The following NUDT6 variants were observed in gnomAD, a reference collection of about 807,000 sequenced individuals.
NUDT6 encodes the protein FAD diphosphatase NUDT6.
NUDT6 carries 24 observed loss-of-function variants against 36.8 expected under a neutral mutation model. That is an observed-to-expected ratio of 0.65 (90% CI 0.47 to 0.92). The LOEUF (loss-of-function observed/expected upper bound fraction) is 0.92, where lower values mean the gene tolerates loss of function less well. Ranked by LOEUF, NUDT6 falls within the 40% of genes least tolerant of loss-of-function variation. The probability of loss-of-function intolerance (pLI) is 0.00; values close to 1 mark genes in which losing one functional copy is unlikely to be tolerated. For synonymous variants in NUDT6, 163 were observed against 157.0 expected, an observed-to-expected ratio of 1.04 and a Z score of -0.29; for missense variants, 388 against 392.8, an observed-to-expected ratio of 0.99 and a Z score of 0.10.
intron 3 of NUDT6, among the ~76,000 whole-genome samples, chr4:122,909,168 T>A (rs1727681359): frequency 6.6e-6 from 1 of 151,864 alleles, no homozygotes; most frequent in Non-Finnish European, 1.5e-5. Flanking sequence ...CAGGCTCAAA[T>A]AATCCTTCCA....
chr4:122,920,450 T>C (rs1450390805), intron 1 of NUDT6: 1 of 152,222 alleles, frequency 6.6e-6, no homozygotes, highest in Non-Finnish European at 1.5e-5. Flanking sequence ...ATTGAAAAAA[T>C]ATAACAAGTA....
At position 122,892,667 on chromosome 4, in the gene NUDT6, T is replaced by A. The variant is rs1367355416; in HGVS notation, c.*161A>T. 7 of 1,389,718 alleles carry A rather than the reference T, an allele frequency of 5.0e-6. No individual in the cohort carries two copies. Among genetic ancestry groups the A allele is most frequent in the Non-Finnish European group, 6.6e-6 (7 of 1,057,164 alleles). 86.1% of individuals were successfully genotyped at this position (1,389,718 alleles called of 1,614,324 possible). On this transcript the variant is annotated 3_prime_UTR_variant, in exon 5 of 5. Coordinates refer to ENST00000304430, the MANE Select transcript of NUDT6 (RefSeq NM_007083.5). ...GATCTTTTTCACGCATTTGCTTTATTCGAAAAGAGGCTTTTAAAATGTGCA... is the reference window on the plus strand; with the variant it reads ...GATCTTTTTCACGCATTTGCTTTATACGAAAAGAGGCTTTTAAAATGTGCA...
chr4:122,903,335 T>G (rs1222622730), intron 3 of NUDT6, among the ~76,000 whole-genome samples: 1 of 152,202 alleles, frequency 6.6e-6, no homozygotes, highest in African/African-American at 2.4e-5. Flanking sequence ...GACTAGATTC[T>G]GAAAAGCATC....
chr4:122,894,488 TG>T (rs1329406466), intron 4 of NUDT6: 1 of 151,892 alleles, frequency 6.6e-6, no homozygotes, highest in Admixed American at 6.6e-5. Context: ...GAGGCTGAGG[TG>T]GGAGGGTTGA....
intron 3 of NUDT6, among the ~76,000 whole-genome samples, chr4:122,907,914 T>G (rs977930665): frequency 2.0e-5 from 3 of 152,164 alleles, no homozygotes; most frequent in Non-Finnish European, 4.4e-5. Flanking sequence ...CTTGCAACTA[T>G]CCCCACTCAC....
intron 3 of NUDT6, among the ~76,000 whole-genome samples, chr4:122,908,099 G>A (rs62323470): frequency 0.17 from 24,320 of 146,696 alleles, 2,450 homozygotes; most frequent in East Asian, 0.45. Flanking sequence ...TCTTGACCAA[G>A]GGGACCCCAA....
At chr4:122,909,031 A>G (rs1028577591) in intron 3 of NUDT6, among the ~76,000 whole-genome samples, 3 of 151,210 alleles carry the variant, frequency 2.0e-5, no homozygotes, top group African/African-American at 4.9e-5. Flanking sequence ...TAATTACTCT[A>G]TATCTCCTTA....
chr4:122,917,320 C>A (rs879083264), intron 2 of NUDT6, among the ~76,000 whole-genome samples, 181 bp downstream of exon 2: 2 of 152,146 alleles, frequency 1.3e-5, no homozygotes, highest in African/African-American at 4.8e-5. Flanking sequence ...GTACTATCTG[C>A]GGTTACAGGT....
intron 3 of NUDT6, among the ~76,000 whole-genome samples, chr4:122,900,334 T>C (rs1024762997): frequency 4.7e-5 from 7 of 148,052 alleles, no homozygotes; most frequent in African/African-American, 1.6e-4. Flanking sequence ...ATTATGCACA[T>C]TTAAACTTCC....
At chr4:122,904,414 C>G (rs1426691780) in intron 3 of NUDT6, among the ~76,000 whole-genome samples, 2 of 152,064 alleles carry the variant, frequency 1.3e-5, no homozygotes, top group African/African-American at 4.8e-5. Flanking sequence ...CCCCTCCACC[C>G]AGTTCTAAGT....
At chr4:122,922,863 AT>A (rs891413516), upstream of NUDT6, 30 of 561,046 alleles carry the variant, frequency 5.3e-5, no homozygotes, top group Non-Finnish European at 8.1e-5. Context: ...CCGGGAGGAG[AT>A]GCAAAAACGT....
chr4:122,917,381 G>T, intron 2 of NUDT6, 120 bp downstream of exon 2: 3 of 893,190 alleles, frequency 3.4e-6, no homozygotes, highest in Non-Finnish European at 5.4e-6. Context: ...TGGAACCACC[G>T]TAATCATTTA....
chr4:122,921,619 C>CAAACAAACAAAAAAA (rs1491439818), intron 1 of NUDT6: 8 of 48,042 alleles, frequency 1.7e-4, no homozygotes, highest in African/African-American at 4.0e-4. Flanking sequence ...AAAAAAAAAA[C>CAAACAAACAAAAAAA]AAACTGTACA....
chr4:122,912,486 C>A, intron 3 of NUDT6, 82 bp downstream of exon 3: 1 of 913,788 alleles, frequency 1.1e-6, no homozygotes. Context: ...ACCCCTTAGG[C>A]ATATTAAAAT....
intron 3 of NUDT6, among the ~76,000 whole-genome samples, chr4:122,906,744 G>C (rs917950182): frequency 4.6e-5 from 7 of 152,168 alleles, no homozygotes; most frequent in African/African-American, 1.7e-4. Flanking sequence ...GGATGAGATA[G>C]GAGGCCACAC....
Position 122,912,578 on chromosome 4 carries a change from TC to T in NUDT6, c.487del (p.Asp163IlefsTer5). ...ACAGAAGCAGCTTACTTTATTTCGA[TC>T]TTGTACAACCAGTATTTTTCTAGTA... ...ESTRKILVVQ[D>X]RNKLKNMWKF... On this transcript the variant is annotated frameshift_variant, in exon 3 of 5. Transcript: ENST00000304430. LOFTEE classifies it high-confidence loss of function. 1 of 1,592,462 alleles carries T rather than the reference TC, an allele frequency of 6.3e-7. No individual in the cohort carries two copies. The highest frequency in any genetic ancestry group is 8.6e-7 in the Non-Finnish European group (1 of 1,161,112).
intron 4 of NUDT6, chr4:122,896,181 C>CT (rs3840102): frequency 0.012 from 1,696 of 144,928 alleles, 21 homozygotes; most frequent in African/African-American, 0.032. Context: ...ACCACAAGCA[C>CT]TTTTTTTTTT....
intron 1 of NUDT6, 112 bp from the exon 2 acceptor site, chr4:122,917,816 T>C: frequency 4.8e-6 from 4 of 836,032 alleles, no homozygotes; most frequent in South Asian, 1.8e-5. Flanking sequence ...GCAAAAGAGG[T>C]CCCCAAATGT....
At chr4:122,893,375 G>A (rs1727250154) in intron 4 of NUDT6, 150 bp from the exon 5 acceptor site, 2 of 654,420 alleles carry the variant, frequency 3.1e-6, no homozygotes, top group Non-Finnish European at 4.7e-6. Context: ...TTGCCTTGTG[G>A]ATATCAAGAA....
Sources: gnomAD v4.1 joint callset for allele counts (sites outside exome capture counted in the v4.1 genomes callset) on GRCh38, gnomAD v4.1.1 for gene constraint, MANE v1.5 for transcripts, NCBI Gene and HGNC (gene_info 2026-07-23, HGNC 2026-07-21) for gene names.